The following ADK variants were observed in gnomAD, a reference collection of about 807,000 sequenced individuals.
ADK encodes adenosine kinase.
A neutral mutation model predicts 44.7 loss-of-function variants in ADK; 24 were observed. The observed-to-expected ratio is 0.54, with a 90% CI of 0.39 to 0.76. The LOEUF is 0.76. Ranked by LOEUF, ADK falls within the 30% of genes least tolerant of loss-of-function variation. The pLI is 0.00. For missense variants in ADK, 321 were observed against 425.1 expected, an observed-to-expected ratio of 0.76 and a Z score of 2.15; for synonymous variants, 128 against 142.6, an observed-to-expected ratio of 0.90 and a Z score of 0.73.
intron 9 of ADK, among the ~76,000 whole-genome samples, chr10:74,665,440 C>G (rs1589349855): frequency 6.6e-6 from 1 of 151,948 alleles, no homozygotes; most frequent in East Asian, 1.9e-4. Flanking sequence ...TGAATTTTAC[C>G]TTGAGGTTGA....
chr10:74,664,722 A>G (rs1854884745), intron 9 of ADK, among the ~76,000 whole-genome samples: 1 of 152,210 alleles, frequency 6.6e-6, no homozygotes, highest in African/African-American at 2.4e-5. Context: ...ACACACCTGT[A>G]GTCCCAGCTA....
At chr10:74,430,861 C>T (rs767811123) in intron 6 of ADK, among the ~76,000 whole-genome samples, 6 of 151,744 alleles carry the variant, frequency 4.0e-5, no homozygotes, top group Non-Finnish European at 7.4e-5. Context: ...GTGTTTGAGA[C>T]AGAGCAAGGC....
chr10:74,160,186 T>G (rs1244765409), intron 1 of ADK, among the ~76,000 whole-genome samples: 1 of 152,208 alleles, frequency 6.6e-6, no homozygotes, highest in African/African-American at 2.4e-5. Flanking sequence ...CAGAGTGGAA[T>G]CAGCTTTCCG....
At chr10:74,201,034 A>G (rs568608235) in intron 2 of ADK, among the ~76,000 whole-genome samples, 196 bp downstream of exon 2, 3 of 152,324 alleles carry the variant, frequency 2.0e-5, no homozygotes, top group African/African-American at 7.2e-5. Context: ...AAACTTATAT[A>G]CATTGCTATT....
chr10:74,164,473 T>G (rs1016533708), intron 1 of ADK, among the ~76,000 whole-genome samples: 1 of 152,072 alleles, frequency 6.6e-6, no homozygotes, highest in African/African-American at 2.4e-5. Context: ...GAGGCAGAGG[T>G]TGCAGTGAGC....
rs186107463 is a variant in ADK, at chr10:74,425,179, T to A, written c.555+26600T>A. Among the ~76,000 whole-genome samples, 319 of 152,326 alleles carry A rather than the reference T, an allele frequency of 2.1e-3. 7 individuals are homozygous for A. The highest frequency in any genetic ancestry group is 2.2e-4 in the Non-Finnish European group (15 of 68,020). On this transcript the variant is annotated intron_variant, in intron 6 of 10. Transcript: ENST00000539909. ...CAACCTGGGAACACATTCAAATAAA[T>A]GTTGGGCTTAAAGTTTTGTGGGCTG...
chr10:74,613,101 C>T (rs773679877), intron 9 of ADK, among the ~76,000 whole-genome samples: 19 of 152,024 alleles, frequency 1.2e-4, no homozygotes, highest in South Asian at 2.1e-4. Context: ...ATTGCTTTGG[C>T]TATTCAGCTA....
intron 1 of ADK, among the ~76,000 whole-genome samples, chr10:74,165,692 T>C (rs528787059): frequency 1.3e-5 from 2 of 152,132 alleles, no homozygotes; most frequent in South Asian, 4.2e-4. Context: ...GTTTATATTA[T>C]GTATGAAGAT....
intron 6 of ADK, among the ~76,000 whole-genome samples, chr10:74,462,695 A>T (rs148468722): frequency 7.7e-4 from 118 of 152,324 alleles, no homozygotes; most frequent in African/African-American, 2.8e-3. Context: ...CTGTGATGTT[A>T]GGTAGTGAAT....
At chr10:74,528,254 G>A in intron 7 of ADK, 1 of 335,352 alleles carries the variant, frequency 3.0e-6, no homozygotes, top group South Asian at 6.9e-5. Flanking sequence ...CAATGAATAT[G>A]TAAACATACA....
At chr10:74,441,520 A>G (rs1845406173) in intron 6 of ADK, among the ~76,000 whole-genome samples, 1 of 152,234 alleles carries the variant, frequency 6.6e-6, no homozygotes, top group Non-Finnish European at 1.5e-5. Flanking sequence ...TGAATGGATA[A>G]ATAAAATTAG....
In ADK at chr10:74,468,609, A is replaced by T. The variant is rs1409483279; in HGVS notation, c.556-56647A>T. ...CATAGTTTTGCCACTAATTTGTATA[A>T]TGTGCAAGTTTAATAACCTTTCTGG... On this transcript the variant is annotated intron_variant, in intron 6 of 10. Transcript: ENST00000539909. Among the ~76,000 whole-genome samples the T allele has an allele frequency of 5.3e-5, 8 of 152,198 alleles. No homozygotes were observed. In the East Asian group the frequency reaches 1.5e-3, roughly 29 times the overall value.
chr10:74,625,090 A>T (rs1238844081), intron 9 of ADK, among the ~76,000 whole-genome samples: 10 of 152,284 alleles, frequency 6.6e-5, no homozygotes, highest in Non-Finnish European at 1.0e-4. Context: ...GGTTATAAAG[A>T]TGAACAAAAC....
At chr10:74,249,711 C>T (rs764960287) in intron 3 of ADK, among the ~76,000 whole-genome samples, 6 of 152,132 alleles carry the variant, frequency 3.9e-5, no homozygotes, top group Admixed American at 2.0e-4. Flanking sequence ...CTTAGATACA[C>T]AGATATGTGT....
intron 3 of ADK, among the ~76,000 whole-genome samples, chr10:74,260,099 T>C (rs934070408): frequency 6.6e-6 from 1 of 151,854 alleles, no homozygotes; most frequent in African/African-American, 2.4e-5. Context: ...TGGTTAACAA[T>C]CAAATAGAAC....
intron 1 of ADK, among the ~76,000 whole-genome samples, chr10:74,175,326 G>GA (rs1411367219): frequency 1.3e-5 from 2 of 148,804 alleles, no homozygotes; most frequent in African/African-American, 5.0e-5. Flanking sequence ...AGAGGTTGGA[G>GA]ATCGCACCAC....
intron 4 of ADK, among the ~76,000 whole-genome samples, chr10:74,370,226 A>C (rs758349318): frequency 6.6e-6 from 1 of 152,220 alleles, no homozygotes; most frequent in Non-Finnish European, 1.5e-5. Context: ...AAACAATTGT[A>C]CACCTTAAAT....
chr10:74,388,466 A>T (rs1426830224), intron 4 of ADK, among the ~76,000 whole-genome samples: 1 of 152,210 alleles, frequency 6.6e-6, no homozygotes, highest in Non-Finnish European at 1.5e-5. Flanking sequence ...TTAATGTCTT[A>T]AGAATATTGA....
chr10:74,542,908 AT>A (rs1345543507), intron 7 of ADK, among the ~76,000 whole-genome samples: 1 of 150,512 alleles, frequency 6.6e-6, no homozygotes, highest in African/African-American at 2.5e-5. Flanking sequence ...TTATTTATTT[AT>A]TTTTTTAATG....
Sources: gnomAD v4.1 joint callset for allele counts (sites outside exome capture counted in the v4.1 genomes callset) on GRCh38, gnomAD v4.1.1 for gene constraint, MANE v1.5 for transcripts, NCBI Gene and HGNC (gene_info 2026-07-23, HGNC 2026-07-21) for gene names.